The following ERBB4 variants were observed in gnomAD, a reference collection of about 807,000 sequenced individuals.
ERBB4 encodes the protein erb-b2 receptor tyrosine kinase 4.
Under a neutral mutation model 158.0 loss-of-function variants are expected in ERBB4, and 42 were observed. The ratio of observed to expected loss-of-function variants is 0.27; its 90% CI spans 0.21 to 0.34. ERBB4 has a LOEUF of 0.34. Among genes scored for constraint, ERBB4 ranks in the 10% least tolerant of loss-of-function variants. The pLI, the probability that ERBB4 is intolerant of heterozygous loss-of-function variation, is 1.00. For missense variants in ERBB4, 1,333 were observed against 1,624.1 expected (o/e 0.82, Z 3.08); for synonymous variants, 583 against 558.7 (o/e 1.04, Z -0.61).
At chr2:211,945,430 C>T (rs839536) in intron 3 of ERBB4, among the ~76,000 whole-genome samples, 37,474 of 151,862 alleles carry the variant, frequency 0.25, 5,781 homozygotes, top group African/African-American at 0.44. Flanking sequence ...AAATTTCTAC[C>T]ATTTTGTTGC....
chr2:212,035,946 A>G (rs2077002149), intron 2 of ERBB4, among the ~76,000 whole-genome samples: 1 of 152,218 alleles, frequency 6.6e-6, no homozygotes, highest in Non-Finnish European at 1.5e-5. Flanking sequence ...GAGGAAAAGA[A>G]GACAGCATTT....
At chr2:211,677,781 G>A (rs191585729) in intron 13 of ERBB4, among the ~76,000 whole-genome samples, 3,247 of 152,168 alleles carry the variant, frequency 0.021, 115 homozygotes, top group African/African-American at 0.075. Flanking sequence ...GGCTGAGGCA[G>A]GAGAATGGCA....
chr2:212,249,819 T>C (rs1574518572), intron 1 of ERBB4, among the ~76,000 whole-genome samples: 1 of 151,866 alleles, frequency 6.6e-6, no homozygotes, highest in Admixed American at 6.6e-5. Flanking sequence ...ACACTGCATA[T>C]GAAAAGAAAT....
chr2:212,022,908 C>T (rs1444174493), intron 2 of ERBB4, among the ~76,000 whole-genome samples: 1 of 152,148 alleles, frequency 6.6e-6, no homozygotes, highest in African/African-American at 2.4e-5. Context: ...GACACTTCTT[C>T]CTGGTAATTA....
At chr2:211,997,157 C>T (rs2082219309) in intron 2 of ERBB4, among the ~76,000 whole-genome samples, 1 of 152,092 alleles carries the variant, frequency 6.6e-6, no homozygotes, top group Admixed American at 6.6e-5. Context: ...GGATTAACTG[C>T]AAATGTAGAT....
chr2:212,460,600 G>C (rs1422416907), intron 1 of ERBB4, among the ~76,000 whole-genome samples: 2 of 152,198 alleles, frequency 1.3e-5, no homozygotes, highest in Non-Finnish European at 2.9e-5. Context: ...GAACTTGAGA[G>C]AGATGATTTA....
intron 22 of ERBB4, among the ~76,000 whole-genome samples, chr2:211,426,689 G>T (rs1375149316): frequency 6.6e-6 from 1 of 151,306 alleles, no homozygotes; most frequent in East Asian, 1.9e-4. Flanking sequence ...GCCTTCAGGA[G>T]ACTGCCTATA....
intron 1 of ERBB4, among the ~76,000 whole-genome samples, chr2:212,183,571 G>A (rs2081935007): frequency 6.6e-6 from 1 of 151,926 alleles, no homozygotes; most frequent in Admixed American, 6.6e-5. Flanking sequence ...ATTTTGAAAG[G>A]AATGTAATTG....
chr2:212,513,428 A>G (rs1691638665), intron 1 of ERBB4, among the ~76,000 whole-genome samples: 1 of 152,222 alleles, frequency 6.6e-6, no homozygotes, highest in African/African-American at 2.4e-5. Flanking sequence ...AATACCTTAT[A>G]CATATTTTTC....
At chr2:211,477,352 A>G (rs542877226) in intron 20 of ERBB4, among the ~76,000 whole-genome samples, 7 of 151,986 alleles carry the variant, frequency 4.6e-5, no homozygotes, top group African/African-American at 1.4e-4. Flanking sequence ...ACATACACAC[A>G]TTTATTCTGT....
intron 1 of ERBB4, among the ~76,000 whole-genome samples, chr2:212,323,053 C>T (rs2087642484): frequency 6.6e-6 from 1 of 150,524 alleles, no homozygotes; most frequent in African/African-American, 2.4e-5. Flanking sequence ...AATTTTTCTA[C>T]TTCAGATAGA....
At chr2:212,045,978 C>A (rs968852854) in intron 2 of ERBB4, among the ~76,000 whole-genome samples, 4 of 152,094 alleles carry the variant, frequency 2.6e-5, no homozygotes, top group Admixed American at 2.0e-4. Flanking sequence ...TGGAATAAAC[C>A]GTCTTAGACT....
At chr2:212,432,762 ACT>A (rs1005217808) in intron 1 of ERBB4, among the ~76,000 whole-genome samples, 2 of 151,982 alleles carry the variant, frequency 1.3e-5, no homozygotes, top group African/African-American at 2.4e-5. Context: ...AAAGGTGAAA[ACT>A]CTTTTAAAGA....
intron 1 of ERBB4, among the ~76,000 whole-genome samples, chr2:212,273,758 T>C (rs572139923): frequency 2.9e-4 from 44 of 151,874 alleles, no homozygotes; most frequent in East Asian, 9.7e-4. Context: ...GATTATAAAC[T>C]TCACACCTTT....
intron 15 of ERBB4, chr2:211,658,029 GA>G (rs769347289): frequency 6.7e-6 from 10 of 1,493,246 alleles, no homozygotes; most frequent in South Asian, 4.6e-5. Flanking sequence ...AATACAAGGG[GA>G]AAAAATTAGT....
At chr2:212,130,342 C>G (rs912224341) in intron 1 of ERBB4, among the ~76,000 whole-genome samples, 9 of 152,066 alleles carry the variant, frequency 5.9e-5, no homozygotes, top group Admixed American at 2.0e-4. Context: ...TGTATTGATT[C>G]TGTTACAAAT....
rs114121611 is a variant in ERBB4 at position 211,445,283 on chromosome 2, T to G, written c.2488-14183A>C. ...TCAATTGGGATACTATAATACTAGTTCCAATAGCAATGGTTTAGTGTTTGA... is the reference window on the plus strand; with the variant it reads ...TCAATTGGGATACTATAATACTAGTGCCAATAGCAATGGTTTAGTGTTTGA... On this transcript the variant is annotated intron_variant, in intron 20 of 27. Transcript: ENST00000342788. 5.5e-3 allele frequency among the ~76,000 whole-genome samples: 842 copies of G among 152,202 alleles called. 9 individuals carry two copies. Among genetic ancestry groups the G allele is most frequent in the African/African-American group, 0.019 (777 of 41,548 alleles).
chr2:211,777,159 T>A (rs1006748190), intron 4 of ERBB4: 1 of 152,108 alleles, frequency 6.6e-6, no homozygotes, highest in East Asian at 1.9e-4. Context: ...CGTGAGCATA[T>A]GTGCGTGAGC....
At chr2:212,529,021 A>T (rs1222328041) in intron 1 of ERBB4, among the ~76,000 whole-genome samples, 1 of 152,202 alleles carries the variant, frequency 6.6e-6, no homozygotes, top group Non-Finnish European at 1.5e-5. Flanking sequence ...TTAACATTTT[A>T]TCTGGAGGCA....
Sources: gnomAD v4.1 joint callset for allele counts (sites outside exome capture counted in the v4.1 genomes callset) on GRCh38, gnomAD v4.1.1 for gene constraint, MANE v1.5 for transcripts, NCBI Gene and HGNC (gene_info 2026-07-23, HGNC 2026-07-21) for gene names.